Variants in CHIC1 observed in about 807,000 individuals in gnomAD.
CHIC1 encodes cysteine rich hydrophobic domain 1, also known as cysteine-rich hydrophobic domain-containing protein 1.
CHIC1 carries 7 observed loss-of-function variants against 18.5 expected under a neutral mutation model. The ratio of observed to expected loss-of-function variants is 0.38; its 90% CI spans 0.22 to 0.71. CHIC1 has a LOEUF of 0.71. CHIC1 is among the 30% of genes least tolerant of loss of function. The probability of loss-of-function intolerance (pLI) is 0.49; values close to 1 mark genes in which losing one functional copy is unlikely to be tolerated. For synonymous variants in CHIC1, 77 were observed against 73.5 expected (o/e 1.05, Z -0.25); for missense variants, 159 against 176.9 (o/e 0.90, Z 0.57).
intron 3 of CHIC1, among the ~76,000 whole-genome samples, chrX:73,609,277 C>T (rs1454751678): frequency 5.5e-5 from 6 of 108,381 alleles, no homozygotes; most frequent in Admixed American, 2.9e-4. Flanking sequence ...ACCATGTTCC[C>T]CTCTGAAACA....
chrX:73,633,825 G>A (rs977011152), intron 3 of CHIC1, among the ~76,000 whole-genome samples: 1 of 109,936 alleles, frequency 9.1e-6, no homozygotes, highest in African/African-American at 3.3e-5. Context: ...AGACATTGGT[G>A]GTCTTTATTG....
chrX:73,569,516 G>A (rs374667826), intron 1 of CHIC1, among the ~76,000 whole-genome samples: 88 of 111,607 alleles, frequency 7.9e-4, no homozygotes, highest in African/African-American at 2.7e-3. Flanking sequence ...TAAAATGATA[G>A]TGTGAGCACT....
Position 73,563,404 on chromosome X carries a change from G to T in CHIC1, c.120G>T (p.Gly40=), listed in dbSNP as rs943018851. 6.1e-6 allele frequency: 7 copies of T among 1,155,125 alleles called. No individual in the cohort carries two copies. The Admixed American group carries it at 1.6e-4, about 26-fold the overall frequency. The change falls in exon 1 of 6, where the codon GGG becomes GGT. Residue 40 remains glycine (G), a synonymous_variant. Coordinates refer to ENST00000373502, the MANE Select transcript of CHIC1 (RefSeq NM_001039840.4). ...SSPSSSSSVS[G]PDDDEEDEEE... ...CGTCGTCGTCGTCGTCGGTATCTGG[G>T]CCCGACGATGACGAGGAGGATGAGG...
At chrX:73,600,764 A>G (rs1402437141) in intron 3 of CHIC1, among the ~76,000 whole-genome samples, 22 of 107,240 alleles carry the variant, frequency 2.1e-4, no homozygotes, top group South Asian at 1.2e-3. Flanking sequence ...TTTTGCATCA[A>G]TGTTCATCAA....
chrX:73,571,045 T>C (rs1272205371), intron 1 of CHIC1, among the ~76,000 whole-genome samples: 1 of 111,040 alleles, frequency 9.0e-6, no homozygotes, highest in African/African-American at 3.3e-5. Flanking sequence ...AAAGGAGATA[T>C]TAGGGAAATG....
intron 3 of CHIC1, among the ~76,000 whole-genome samples, chrX:73,675,568 G>C (rs1293392837): frequency 2.7e-5 from 3 of 110,587 alleles, no homozygotes; most frequent in Non-Finnish European, 5.7e-5. Context: ...GCCTTTTTTT[G>C]TTTTCCATTT....
intron 3 of CHIC1, among the ~76,000 whole-genome samples, chrX:73,614,558 TC>T (rs2057723705): frequency 1.8e-5 from 2 of 111,346 alleles, no homozygotes; most frequent in Non-Finnish European, 3.8e-5. Flanking sequence ...TTCATTTTTT[TC>T]TTACTCTTTT....
intron 3 of CHIC1, among the ~76,000 whole-genome samples, chrX:73,609,821 T>C (rs948050037): frequency 2.7e-5 from 3 of 109,687 alleles, no homozygotes; most frequent in Non-Finnish European, 3.8e-5. Context: ...AAGTTCTCTC[T>C]TCTAGCTATT....
At chrX:73,680,715 A>G (rs751900266) in intron 5 of CHIC1, among the ~76,000 whole-genome samples, 7 of 111,366 alleles carry the variant, frequency 6.3e-5, no homozygotes, top group Non-Finnish European at 1.1e-4. Context: ...TAAATCAGAT[A>G]GTAAAATCTG....
Position 73,681,085 on chromosome X carries a change from C to A in CHIC1, c.*80C>A. ...TGTAGATTTGGAATGAAGATGGTCTCCTTTGCTGTGTTCAACTTATTCTTT... is the reference window on the plus strand; with the variant it reads ...TGTAGATTTGGAATGAAGATGGTCTACTTTGCTGTGTTCAACTTATTCTTT... On this transcript the variant is annotated 3_prime_UTR_variant, in exon 6 of 6. Coordinates refer to ENST00000373502, the MANE Select transcript of CHIC1 (RefSeq NM_001039840.4). 1 of 553,826 alleles carries A rather than the reference C, an allele frequency of 1.8e-6. No individual in the cohort carries two copies. Among genetic ancestry groups the A allele is most frequent in the Non-Finnish European group, 2.9e-6 (1 of 341,013 alleles). 45.6% of individuals were successfully genotyped at this position (553,826 alleles called of 1,213,427 possible).
At chrX:73,577,335 CT>C (rs200590647) in intron 1 of CHIC1, 71 bp from the exon 2 acceptor site, 29 of 872,354 alleles carry the variant, frequency 3.3e-5, no homozygotes, top group South Asian at 5.9e-5. Flanking sequence ...GGGTTTATAA[CT>C]TTTTTTTAAA....
At chrX:73,653,102 C>T (rs977264717) in intron 3 of CHIC1, among the ~76,000 whole-genome samples, 7 of 111,143 alleles carry the variant, frequency 6.3e-5, no homozygotes, top group African/African-American at 2.3e-4. Context: ...AAGCCTTCTT[C>T]CTCAGTAAAC....
At chrX:73,584,335 T>C (rs1569500667) in intron 2 of CHIC1, 82 bp from the exon 3 acceptor site, 1 of 841,369 alleles carries the variant, frequency 1.2e-6, no homozygotes, top group Non-Finnish European at 1.6e-6. Flanking sequence ...CTTAAATTAT[T>C]TGTAATAAAT....
intron 1 of CHIC1, among the ~76,000 whole-genome samples, chrX:73,573,472 T>C (rs764589648): frequency 9.0e-6 from 1 of 111,643 alleles, no homozygotes; most frequent in South Asian, 3.7e-4. Flanking sequence ...TCTAATTCCG[T>C]GAAGAATGAT....
rs765383582 is a variant in CHIC1 at position 73,585,892 on chromosome X, A to G, written c.507+1320A>G. On this transcript the variant is annotated intron_variant, in intron 3 of 5. Coordinates refer to ENST00000373502, the MANE Select transcript of CHIC1 (RefSeq NM_001039840.4). Reference sequence around the variant, plus strand: ...TTCAATGGAAACTAAGATAATACTGATGCTGTGATCTCTCCTATCCTCCAT... The same window carrying G: ...TTCAATGGAAACTAAGATAATACTGGTGCTGTGATCTCTCCTATCCTCCAT... Among the ~76,000 whole-genome samples, 3 of 111,073 alleles carry G rather than the reference A, an allele frequency of 2.7e-5. No individual in the cohort carries two copies. The Admixed American group carries it at 2.9e-4, about 11-fold the overall frequency.
intron 3 of CHIC1, among the ~76,000 whole-genome samples, chrX:73,585,494 G>A (rs6647398): frequency 0.41 from 44,351 of 109,469 alleles, 6,956 homozygotes; most frequent in East Asian, 0.95. Flanking sequence ...TTGTTTGTCA[G>A]AGCAGGTACA....
intron 3 of CHIC1, among the ~76,000 whole-genome samples, chrX:73,595,357 T>G (rs2057602514): frequency 9.0e-6 from 1 of 110,723 alleles, no homozygotes; most frequent in Admixed American, 9.6e-5. Flanking sequence ...CGGTGTGTGC[T>G]GTACCCCTCC....
At chrX:73,610,840 C>G (rs1468027056) in intron 3 of CHIC1, among the ~76,000 whole-genome samples, 1 of 107,203 alleles carries the variant, frequency 9.3e-6, no homozygotes, top group Non-Finnish European at 1.9e-5. Flanking sequence ...TCCATTTGCT[C>G]TAGGTTTTCT....
chrX:73,663,026 A>T (rs1246849731), intron 3 of CHIC1, among the ~76,000 whole-genome samples: 1 of 111,533 alleles, frequency 9.0e-6, no homozygotes, highest in African/African-American at 3.3e-5. Context: ...GTAAACAGAA[A>T]TTTTTCTCTG....
Sources: gnomAD v4.1 joint callset for allele counts (sites outside exome capture counted in the v4.1 genomes callset) on GRCh38, gnomAD v4.1.1 for gene constraint, MANE v1.5 for transcripts, NCBI Gene and HGNC (gene_info 2026-07-23, HGNC 2026-07-21) for gene names.